The following NRG3 variants were observed in gnomAD, a reference collection of about 807,000 sequenced individuals.
NRG3 encodes the protein pro-neuregulin-3, membrane-bound isoform.
In NRG3, 31 loss-of-function variants were observed where a neutral mutation model predicts 66.9. The observed-to-expected ratio is 0.46, with a 90% CI of 0.35 to 0.63. The LOEUF is 0.63. Among genes scored for constraint, NRG3 ranks in the 20% least tolerant of loss-of-function variants. The pLI, the probability that NRG3 is intolerant of heterozygous loss-of-function variation, is 0.00. For synonymous variants in NRG3, 393 were observed against 359.4 expected (o/e 1.09, Z -1.06); for missense variants, 910 against 878.9 (o/e 1.04, Z -0.45).
At chr10:82,158,421 A>G (rs1015946276) in intron 1 of NRG3, among the ~76,000 whole-genome samples, 2 of 151,652 alleles carry the variant, frequency 1.3e-5, no homozygotes, top group Non-Finnish European at 1.5e-5. Flanking sequence ...TCCTGTGAGC[A>G]TGTCTGTGTG....
chr10:82,281,650 T>A (rs75999756), intron 1 of NRG3, among the ~76,000 whole-genome samples: 17 of 152,200 alleles, frequency 1.1e-4, no homozygotes, highest in African/African-American at 3.9e-4. Flanking sequence ...TGACAGTGAA[T>A]CTAAATTCCA....
intron 3 of NRG3, among the ~76,000 whole-genome samples, chr10:82,739,217 G>C (rs771107534): frequency 3.3e-5 from 5 of 152,154 alleles, no homozygotes; most frequent in Non-Finnish European, 5.9e-5. Flanking sequence ...AAGACAATTT[G>C]CAGACTAAAA....
chr10:82,298,277 AGGG>A (rs2080195299), intron 1 of NRG3, among the ~76,000 whole-genome samples: 8 of 151,400 alleles, frequency 5.3e-5, no homozygotes, highest in African/African-American at 1.9e-4. Flanking sequence ...GAAGGGAGAG[AGGG>A]AGGAAGGAAG....
At chr10:82,047,193 T>C (rs1482011003) in intron 1 of NRG3, among the ~76,000 whole-genome samples, 1 of 151,684 alleles carries the variant, frequency 6.6e-6, no homozygotes, top group Non-Finnish European at 1.5e-5. Context: ...TGAATCCATC[T>C]GGTCCTGGAC....
At chr10:82,099,800 A>G (rs1444679990) in intron 1 of NRG3, among the ~76,000 whole-genome samples, 1 of 151,684 alleles carries the variant, frequency 6.6e-6, no homozygotes, top group Non-Finnish European at 1.5e-5. Flanking sequence ...CCTCTCTACA[A>G]AAATGTAAAA....
In NRG3 at chr10:81,955,388, T is replaced by C. The variant is rs551857853; in HGVS notation, c.823+79225T>C. Among the ~76,000 whole-genome samples, 3 of 152,178 alleles carry C rather than the reference T, an allele frequency of 2.0e-5. No individual in the cohort carries two copies. In the South Asian group the frequency reaches 6.2e-4, roughly 32 times the overall value. ...CAGACAGGAGGAGCTGATGTTCCTC[T>C]GGGAGGCCAAGTTGTGCACCACTTT... is the stretch of plus-strand genomic sequence containing the variant. On this transcript the variant is annotated intron_variant, in intron 1 of 8. Coordinates refer to ENST00000372141, the MANE Select transcript of NRG3 (RefSeq NM_001010848.4).
At chr10:82,309,816 G>C (rs2080930689) in intron 1 of NRG3, among the ~76,000 whole-genome samples, 1 of 152,168 alleles carries the variant, frequency 6.6e-6, no homozygotes, top group East Asian at 1.9e-4. Context: ...AAATTGGAAG[G>C]TGTTCTAAGC....
At chr10:82,083,690 G>T (rs191712499) in intron 1 of NRG3, among the ~76,000 whole-genome samples, 6 of 150,492 alleles carry the variant, frequency 4.0e-5, no homozygotes, top group African/African-American at 9.8e-5. Flanking sequence ...CACCTCCTAG[G>T]TTCGAGTGAT....
At chr10:82,017,624 C>G (rs560665221) in intron 1 of NRG3, among the ~76,000 whole-genome samples, 1 of 151,074 alleles carries the variant, frequency 6.6e-6, no homozygotes, top group Non-Finnish European at 1.5e-5. Context: ...TTTTAATGAT[C>G]GCCATTCTAA....
At chr10:82,549,216 A>G (rs915752622) in intron 2 of NRG3, among the ~76,000 whole-genome samples, 11 of 152,384 alleles carry the variant, frequency 7.2e-5, no homozygotes, top group South Asian at 4.1e-4. Context: ...AGTGCTCAGC[A>G]TATAACAAGT....
At position 82,199,874 on chromosome 10, in the gene NRG3, A is replaced by ATG. The variant is rs939606710; in HGVS notation, c.824-158852_824-158851dup. ...GCTATCTGTGTTATTGAGAGTGTGC[A>ATG]TGTGTGTGTGTGTGCGTGTGTGTGT... On this transcript the variant is annotated intron_variant, in intron 1 of 8. Transcript: ENST00000372141. Among the ~76,000 whole-genome samples, 159 of 149,692 alleles carry ATG rather than the reference A, an allele frequency of 1.1e-3. 2 individuals are homozygous for ATG. In the South Asian group the frequency reaches 0.022, roughly 21 times the overall value.
At chr10:81,925,587 A>T (rs77073077) in intron 1 of NRG3, among the ~76,000 whole-genome samples, 1,560 of 152,268 alleles carry the variant, frequency 0.01, 17 homozygotes, top group Non-Finnish European at 0.015. Context: ...TTTTTAGGGA[A>T]ATACTTTCTT....
intron 2 of NRG3, among the ~76,000 whole-genome samples, chr10:82,449,448 C>T (rs2090911417): frequency 6.6e-6 from 1 of 152,194 alleles, no homozygotes; most frequent in African/African-American, 2.4e-5. Flanking sequence ...AAGATGAAAT[C>T]ATCTTTGCAT....
intron 2 of NRG3, among the ~76,000 whole-genome samples, chr10:82,396,298 G>A (rs529901902): frequency 1.3e-5 from 2 of 151,994 alleles, no homozygotes; most frequent in African/African-American, 4.8e-5. Context: ...CCTTTACTAA[G>A]TTCCTCTAGC....
chr10:82,643,873 C>G (rs964811767), intron 2 of NRG3, among the ~76,000 whole-genome samples: 2 of 105,006 alleles, frequency 1.9e-5, no homozygotes, highest in African/African-American at 7.9e-5. Flanking sequence ...TTCTCTGTCT[C>G]TGACACACAC....
At chr10:82,467,396 T>C (rs1840787663) in intron 2 of NRG3, among the ~76,000 whole-genome samples, 1 of 152,160 alleles carries the variant, frequency 6.6e-6, no homozygotes, top group South Asian at 2.1e-4. Flanking sequence ...AAACTCATGG[T>C]GAATATTTAA....
intron 2 of NRG3, among the ~76,000 whole-genome samples, chr10:82,419,056 CCTACAGGGATAAACCAAGAGCG>C (rs1157249286): frequency 2.6e-5 from 4 of 151,920 alleles, no homozygotes; most frequent in Admixed American, 2.0e-4. Context: ...TAAACTTAAC[CCTACAGGGATAAACCAAGAGCG>C]CTACTGATGT....
At chr10:82,715,772 GT>G (rs2056932958) in intron 2 of NRG3, among the ~76,000 whole-genome samples, 1 of 152,110 alleles carries the variant, frequency 6.6e-6, no homozygotes, top group African/African-American at 2.4e-5. Flanking sequence ...ATAGACCAGT[GT>G]CTTATAAACA....
chr10:82,035,240 A>T (rs1283729902), intron 1 of NRG3, among the ~76,000 whole-genome samples: 1 of 152,110 alleles, frequency 6.6e-6, no homozygotes, highest in Non-Finnish European at 1.5e-5. Context: ...CTGCTGGAGG[A>T]TTGAACAGAT....
Sources: gnomAD v4.1 joint callset for allele counts (sites outside exome capture counted in the v4.1 genomes callset) on GRCh38, gnomAD v4.1.1 for gene constraint, MANE v1.5 for transcripts, NCBI Gene and HGNC (gene_info 2026-07-23, HGNC 2026-07-21) for gene names.